SCN1A: variants seen among roughly 807,000 people sequenced by gnomAD.
SCN1A encodes sodium channel protein type 1 subunit alpha.
SCN1A carries 13 observed loss-of-function variants against 193.7 expected under a neutral mutation model. That is an observed-to-expected ratio of 0.07 (90% CI 0.04 to 0.11). The LOEUF is 0.11. Ranked by LOEUF, SCN1A falls within the 10% of genes least tolerant of loss-of-function variation. The probability of loss-of-function intolerance (pLI) is 1.00; values close to 1 mark genes in which losing one functional copy is unlikely to be tolerated. For missense variants in SCN1A, 1,432 were observed against 2,451.1 expected (o/e 0.58, Z 8.78); for synonymous variants, 781 against 843.6 (o/e 0.93, Z 1.29).
At chr2:165,995,032 T>C (rs1205458305) in intron 27 of SCN1A, among the ~76,000 whole-genome samples, 1 of 151,886 alleles carries the variant, frequency 6.6e-6, no homozygotes, top group Admixed American at 6.6e-5. Flanking sequence ...ATTTCCTATA[T>C]GTTTATGTCA....
At chr2:166,057,958 A>G (rs571427051) in intron 5 of SCN1A, among the ~76,000 whole-genome samples, 44 of 152,140 alleles carry the variant, frequency 2.9e-4, no homozygotes, top group African/African-American at 1.0e-3. Context: ...TAACTTCCGG[A>G]GTCTTTACTA....
chr2:166,043,867 T>C lies in SCN1A; in HGVS notation c.1845A>G (p.Gly615=), dbSNP rs758615134. 3.7e-6 allele frequency: 6 copies of C among 1,614,064 alleles called. No individual in the cohort carries two copies. In the Admixed American group the frequency reaches 1.0e-4, roughly 27 times the overall value. Residue 615 remains glycine (G), a synonymous_variant, in exon 14 of 29, where the codon GGA becomes GGG. Coordinates refer to ENST00000674923, the MANE Select transcript of SCN1A (RefSeq NM_001165963.4). ...RDSLFVPRRH[G]ERRNSNLSQT... ...GACTCAGGTTGCTGTTGCGTCTCTC[T>C]CCGTGTCGTCGGGGCACAAACAAGG...
At chr2:166,147,243 G>A (rs1448441598) in intron 1 of SCN1A, among the ~76,000 whole-genome samples, 2 of 152,088 alleles carry the variant, frequency 1.3e-5, no homozygotes, top group African/African-American at 4.8e-5. Context: ...GCTTAATATT[G>A]TAAATATTCA....
At chr2:166,129,104 T>C (rs1691526330), upstream of SCN1A, among the ~76,000 whole-genome samples, 1 of 152,176 alleles carries the variant, frequency 6.6e-6, no homozygotes, top group South Asian at 2.1e-4. Flanking sequence ...TTCTCTTCCT[T>C]ATTACAGGAT....
intron 5 of SCN1A, among the ~76,000 whole-genome samples, chr2:166,057,186 C>G (rs1300010574): frequency 6.6e-6 from 1 of 152,022 alleles, no homozygotes; most frequent in African/African-American, 2.4e-5. Context: ...GTATCTCTTC[C>G]TACTTCTCTA....
chr2:166,044,855 G>A (rs754478466), intron 13 of SCN1A, among the ~76,000 whole-genome samples, 188 bp downstream of exon 13: 4 of 152,106 alleles, frequency 2.6e-5, no homozygotes, highest in African/African-American at 4.8e-5. Context: ...TAACTACACC[G>A]AGCTGTAGAC....
At chr2:166,105,242 A>G (rs1688559021) in intron 2 of SCN1A, among the ~76,000 whole-genome samples, 1 of 152,226 alleles carries the variant, frequency 6.6e-6, no homozygotes, top group Non-Finnish European at 1.5e-5. Flanking sequence ...TTTAAAAACA[A>G]CTTCATCAAG....
At chr2:166,099,266 G>T (rs1181018918) in intron 2 of SCN1A, among the ~76,000 whole-genome samples, 1 of 151,178 alleles carries the variant, frequency 6.6e-6, no homozygotes, top group African/African-American at 2.4e-5. Context: ...AAAACCACAT[G>T]ATTATCTCAA....
In SCN1A at chr2:166,117,558, C is replaced by T. The variant is rs74842424; in HGVS notation, c.-142+9366G>A. On this transcript the variant is annotated intron_variant, in intron 2 of 28. Coordinates refer to ENST00000674923, the MANE Select transcript of SCN1A (RefSeq NM_001165963.4). ...TAAGGCTAGGGGTTTCATTGTTCTTCCAAATGTCAACACAGTGAAAAAGGT... is the reference window on the plus strand; with the variant it reads ...TAAGGCTAGGGGTTTCATTGTTCTTTCAAATGTCAACACAGTGAAAAAGGT... Among the ~76,000 whole-genome samples, 137 of 152,214 alleles carry T rather than the reference C, an allele frequency of 9.0e-4. 2 individuals are homozygous for T. The East Asian group carries it at 0.012, about 14-fold the overall frequency.
chr2:166,143,458 G>A (rs12053373), intron 1 of SCN1A, among the ~76,000 whole-genome samples: 122,858 of 152,088 alleles, frequency 0.81, 50,227 homozygotes, highest in African/African-American at 0.94. Flanking sequence ...GAGCCACTGC[G>A]CCTGGCCAGA....
intron 2 of SCN1A, among the ~76,000 whole-genome samples, chr2:166,109,997 A>G (rs898516737): frequency 4.6e-5 from 7 of 152,180 alleles, no homozygotes; most frequent in African/African-American, 9.6e-5. Flanking sequence ...TTTATTCTAT[A>G]TTGAAAAATA....
chr2:166,100,229 C>A (rs2106135803), intron 2 of SCN1A, among the ~76,000 whole-genome samples: 1 of 129,676 alleles, frequency 7.7e-6, no homozygotes, highest in Non-Finnish European at 1.6e-5. Context: ...ACCATCTGAT[C>A]TTTGACAAAC....
chr2:166,082,915 T>C (rs1457930830), intron 2 of SCN1A, among the ~76,000 whole-genome samples: 1 of 152,086 alleles, frequency 6.6e-6, no homozygotes, highest in Non-Finnish European at 1.5e-5. Flanking sequence ...GCCATCTCCT[T>C]GTAAAGAGCT....
intron 26 of SCN1A, among the ~76,000 whole-genome samples, 160 bp downstream of exon 26, chr2:165,997,878 G>C (rs1454458595): frequency 6.6e-6 from 1 of 151,096 alleles, no homozygotes; most frequent in East Asian, 1.9e-4. Flanking sequence ...TCTATAGCCG[G>C]AAATATATGG....
intron 2 of SCN1A, among the ~76,000 whole-genome samples, chr2:166,119,700 C>T (rs1382637304): frequency 3.9e-5 from 6 of 152,064 alleles, no homozygotes; most frequent in Admixed American, 3.3e-4. Context: ...TCCATTGTTA[C>T]AAAATTTTCA....
At chr2:166,091,914 C>T (rs1159321717) in intron 2 of SCN1A, among the ~76,000 whole-genome samples, 1 of 152,140 alleles carries the variant, frequency 6.6e-6, no homozygotes, top group Non-Finnish European at 1.5e-5. Flanking sequence ...TATCCTAGGT[C>T]ACCTGCTCAG....
chr2:166,109,313 G>A (rs1304205439), intron 2 of SCN1A, among the ~76,000 whole-genome samples: 1 of 152,118 alleles, frequency 6.6e-6, no homozygotes, highest in Non-Finnish European at 1.5e-5. Context: ...TAAGAACATT[G>A]ATTTCCTTAA....
intron 2 of SCN1A, among the ~76,000 whole-genome samples, chr2:166,112,612 T>A (rs148160498): frequency 1.3e-5 from 2 of 152,274 alleles, no homozygotes; most frequent in Non-Finnish European, 2.9e-5. Context: ...CCTTGTTATT[T>A]CCTGATTAAT....
At chr2:166,093,075 T>C (rs982550898) in intron 2 of SCN1A, among the ~76,000 whole-genome samples, 1 of 151,948 alleles carries the variant, frequency 6.6e-6, no homozygotes, top group African/African-American at 2.4e-5. Flanking sequence ...TGGGTGATGT[T>C]TAAATGAAGT....
Sources: allele counts gnomAD v4.1 joint callset (sites outside exome capture counted in the v4.1 genomes callset), GRCh38; gene constraint gnomAD v4.1.1; transcripts MANE v1.5; gene names NCBI Gene and HGNC (gene_info 2026-07-23, HGNC 2026-07-21).